Variants in CRIM1 observed in about 807,000 individuals in gnomAD.
CRIM1 encodes the protein cysteine rich transmembrane BMP regulator 1.
In CRIM1, 32 loss-of-function variants were observed where a neutral mutation model predicts 116.4. That is an observed-to-expected ratio of 0.27 (90% confidence interval 0.21 to 0.37). CRIM1 has a LOEUF of 0.37. Ranked by LOEUF, CRIM1 falls within the 10% of genes least tolerant of loss-of-function variation. The probability of loss-of-function intolerance (pLI) is 1.00; values close to 1 mark genes in which losing one functional copy is unlikely to be tolerated. For missense variants in CRIM1, 1,331 were observed against 1,354.8 expected (o/e 0.98, Z 0.28); for synonymous variants, 590 against 509.2 (o/e 1.16, Z -2.13).
At position 36,550,045 on chromosome 2, in the gene CRIM1, G is replaced by GTA. The variant is rs1667647003; in HGVS notation, c.*1345_*1346insAT. 4 of 138,404 alleles carry GTA rather than the reference G, an allele frequency of 2.9e-5. No homozygotes were observed. Among genetic ancestry groups the GTA allele is most frequent in the African/African-American group, 1.2e-4 (4 of 33,438 alleles). 8.6% of individuals were successfully genotyped at this position (138,404 alleles called of 1,614,324 possible). ...GATGTGTGTGTGAGAGTATGTATGTGTGTGTGTGTGTGTGTGTGTGTGCGC... is the reference window on the plus strand; with the variant it reads ...GATGTGTGTGTGAGAGTATGTATGTGTATGTGTGTGTGTGTGTGTGTGTGCGC... On this transcript the variant is annotated 3_prime_UTR_variant, in exon 17 of 17. Transcript: ENST00000280527.
intron 13 of CRIM1, among the ~76,000 whole-genome samples, chr2:36,529,798 C>G (rs1183023709): frequency 6.6e-6 from 1 of 152,130 alleles, no homozygotes; most frequent in African/African-American, 2.4e-5. Flanking sequence ...CTATTTCTTT[C>G]TAGTATGTTG....
chr2:36,465,342 C>G (rs1047523480), intron 5 of CRIM1, among the ~76,000 whole-genome samples: 2 of 152,106 alleles, frequency 1.3e-5, no homozygotes, highest in African/African-American at 4.8e-5. Context: ...GGGGAACCTG[C>G]AACATGCTTC....
chr2:36,492,770 C>G (rs1022027021), intron 7 of CRIM1, among the ~76,000 whole-genome samples: 3 of 152,166 alleles, frequency 2.0e-5, no homozygotes, highest in African/African-American at 7.2e-5. Flanking sequence ...ACTGCCATGT[C>G]AAGTCAGTGA....
At chr2:36,401,805 A>G (rs1672424706) in intron 2 of CRIM1, among the ~76,000 whole-genome samples, 1 of 152,228 alleles carries the variant, frequency 6.6e-6, no homozygotes, top group South Asian at 2.1e-4. Flanking sequence ...AACACCCTGG[A>G]AATCATTCAT....
chr2:36,414,049 C>T (rs548107162), intron 2 of CRIM1, among the ~76,000 whole-genome samples: 1 of 152,292 alleles, frequency 6.6e-6, no homozygotes, highest in Non-Finnish European at 1.5e-5. Context: ...ATGAGCTTCT[C>T]CTGAGACTGA....
chr2:36,418,069 A>C (rs536770318), intron 2 of CRIM1, among the ~76,000 whole-genome samples: 2 of 152,304 alleles, frequency 1.3e-5, no homozygotes, highest in South Asian at 4.1e-4. Flanking sequence ...AGCACTGACT[A>C]TGCTTTCAAG....
intron 2 of CRIM1, among the ~76,000 whole-genome samples, chr2:36,405,718 A>AT (rs1672728732): frequency 6.6e-6 from 1 of 152,204 alleles, no homozygotes; most frequent in East Asian, 1.9e-4. Flanking sequence ...ACTGGACCTA[A>AT]TTTTGATTTC....
chr2:36,500,173 C>CA (rs908831398), intron 8 of CRIM1, among the ~76,000 whole-genome samples: 28 of 150,738 alleles, frequency 1.9e-4, no homozygotes, highest in African/African-American at 2.9e-4. Flanking sequence ...ACCAAAAATA[C>CA]AAAAAAAAAT....
chr2:36,419,824 C>T (rs1273648102), intron 2 of CRIM1, among the ~76,000 whole-genome samples: 1 of 152,158 alleles, frequency 6.6e-6, no homozygotes, highest in African/African-American at 2.4e-5. Context: ...TCTGAAATAC[C>T]TGGGATGTGG....
rs1366967923 is a variant in CRIM1 at position 36,485,939 on chromosome 2, AT to A, written c.1372+6251del. On this transcript the variant is annotated intron_variant, in intron 7 of 16. Transcript: ENST00000280527. ...TGGAAATTAAAATATAACACAGTCT[AT>A]TTTTTGCTTGTCCAAATAAGGTCAT... Among the ~76,000 whole-genome samples the A allele has an allele frequency of 2.0e-5, 3 of 152,222 alleles. No homozygotes were observed. The East Asian group carries it at 5.8e-4, about 29-fold the overall frequency.
At chr2:36,495,901 G>C (rs1251540019) in intron 7 of CRIM1, among the ~76,000 whole-genome samples, 1 of 152,048 alleles carries the variant, frequency 6.6e-6, no homozygotes, top group Non-Finnish European at 1.5e-5. Flanking sequence ...ATACTTACCG[G>C]TCATATTTTT....
At position 36,517,513 on chromosome 2, in the gene CRIM1, C is replaced by T. The variant is rs768274198; in HGVS notation, c.2177C>T (p.Thr726Ile). The change falls in exon 12 of 17, where the codon ACC becomes ATC. Residue 726 changes from threonine to isoleucine, a missense_variant. Transcript: ENST00000280527. Reference sequence around the variant, plus strand: ...CTGCTCTGCCAGAACCCCTCACGCACCCAGGATTCCTGCTGCCCACAGTGT... The same window carrying T: ...CTGCTCTGCCAGAACCCCTCACGCATCCAGGATTCCTGCTGCCCACAGTGT... ...PPLLCQNPSR[T>I]QDSCCPQCTD... is the part of the protein sequence containing the mutation. The T allele has an allele frequency of 2.5e-6, 4 of 1,613,854 alleles. No individual in the cohort carries two copies. In the Admixed American group the frequency reaches 5.0e-5, roughly 20 times the overall value.
intron 13 of CRIM1, among the ~76,000 whole-genome samples, chr2:36,534,635 CAGGAAGGGAA>C (rs1445308247): frequency 2.0e-4 from 25 of 124,814 alleles, no homozygotes; most frequent in Admixed American, 1.3e-3. Context: ...AAAATACAGA[CAGGAAGGGAA>C]AGGAAGGGAA....
Position 36,486,807 on chromosome 2 carries a change from T to G in CRIM1, c.1372+7113T>G, listed in dbSNP as rs1161738455. On this transcript the variant is annotated intron_variant, in intron 7 of 16. Transcript: ENST00000280527. ...TAGTCTGGAATGCTAACTATGTGAA[T>G]GAAAAATATTTAGTCATTCTTGAAA... Among the ~76,000 whole-genome samples the G allele has an allele frequency of 7.2e-5, 11 of 152,338 alleles. No individual in the cohort carries two copies. The East Asian group carries it at 1.9e-3, about 27-fold the overall frequency.
chr2:36,480,085 C>T (rs1679291520), intron 7 of CRIM1, among the ~76,000 whole-genome samples: 1 of 152,186 alleles, frequency 6.6e-6, no homozygotes. Context: ...AGCGTCCTGG[C>T]AACTAGAAGA....
intron 8 of CRIM1, among the ~76,000 whole-genome samples, chr2:36,506,392 G>A (rs1334095317): frequency 1.3e-5 from 2 of 151,830 alleles, no homozygotes; most frequent in African/African-American, 4.8e-5. Flanking sequence ...CAATGATGTT[G>A]AACAAAACCA....
intron 5 of CRIM1, among the ~76,000 whole-genome samples, chr2:36,466,034 C>A (rs1440332639): frequency 8.4e-6 from 1 of 118,384 alleles, no homozygotes; most frequent in South Asian, 4.0e-4. Context: ...TACAGGCGCC[C>A]GCCACCACAC....
Position 36,416,430 on chromosome 2 carries a change from T to TTG in CRIM1, c.505+19644_505+19645dup, listed in dbSNP as rs538835637. Among the ~76,000 whole-genome samples, 54 of 152,306 alleles carry TTG rather than the reference T, an allele frequency of 3.5e-4. No individual in the cohort carries two copies. In the East Asian group the frequency reaches 0.01, roughly 28 times the overall value. On this transcript the variant is annotated intron_variant, in intron 2 of 16. Coordinates refer to ENST00000280527, the MANE Select transcript of CRIM1 (RefSeq NM_016441.3). ...AGTTAAGACTAGAATGACCGGTTCC[T>TTG]TGATTGAAAACAATCAATAAAGGTG...
intron 2 of CRIM1, among the ~76,000 whole-genome samples, chr2:36,439,502 G>C (rs1032367700): frequency 3.9e-5 from 6 of 152,156 alleles, no homozygotes; most frequent in Non-Finnish European, 7.4e-5. Context: ...TAAATCGCCA[G>C]GTACCCCTGC....
Sources: gnomAD v4.1 joint callset for allele counts (sites outside exome capture counted in the v4.1 genomes callset) on GRCh38, gnomAD v4.1.1 for gene constraint, MANE v1.5 for transcripts, NCBI Gene and HGNC (gene_info 2026-07-23, HGNC 2026-07-21) for gene names.